The following FGD4 variants were observed in gnomAD, a reference collection of about 807,000 sequenced individuals.
FGD4 encodes the protein FYVE, RhoGEF and PH domain containing 4, also known as FYVE, RhoGEF and PH domain-containing protein 4.
In FGD4, 42 loss-of-function variants were observed where a neutral mutation model predicts 102.0. The observed-to-expected ratio is 0.41, with a 90% CI of 0.32 to 0.53. The LOEUF (loss-of-function observed/expected upper bound fraction) is 0.53, where lower values mean the gene tolerates loss of function less well. FGD4 is among the 20% of genes least tolerant of loss of function. The pLI is 0.21. For missense variants in FGD4, 902 were observed against 1,078.2 expected (o/e 0.84, Z 2.29); for synonymous variants, 380 against 375.7 (o/e 1.01, Z -0.13).
At chr12:32,431,219 T>C (rs1942031753) in intron 1 of FGD4, among the ~76,000 whole-genome samples, 1 of 152,214 alleles carries the variant, frequency 6.6e-6, no homozygotes, top group Non-Finnish European at 1.5e-5. Context: ...TGGCAGCAGA[T>C]GTGTTAGGTG....
At chr12:32,584,458 G>A (rs1011384535) in intron 4 of FGD4, among the ~76,000 whole-genome samples, 8 of 152,108 alleles carry the variant, frequency 5.3e-5, no homozygotes, top group Non-Finnish European at 7.4e-5. Context: ...TTAGAACAAA[G>A]AAATCTCAAT....
chr12:32,423,058 CT>C (rs1248587069), intron 1 of FGD4, among the ~76,000 whole-genome samples: 2 of 152,090 alleles, frequency 1.3e-5, no homozygotes, highest in African/African-American at 2.4e-5. Context: ...TCTTATTGCC[CT>C]TTTTTTAATA....
At chr12:32,420,350 T>G (rs1177281464) in intron 1 of FGD4, among the ~76,000 whole-genome samples, 1 of 152,196 alleles carries the variant, frequency 6.6e-6, no homozygotes, top group Non-Finnish European at 1.5e-5. Context: ...TGCAAGCTCT[T>G]CCGGGCATGT....
intron 1 of FGD4, among the ~76,000 whole-genome samples, chr12:32,486,386 G>C (rs1002966536): frequency 6.6e-6 from 1 of 152,192 alleles, no homozygotes; most frequent in African/African-American, 2.4e-5. Flanking sequence ...ACAATTACTT[G>C]AGGGAATGGC....
chr12:32,428,156 A>G (rs1381829612), intron 1 of FGD4, among the ~76,000 whole-genome samples: 1 of 151,914 alleles, frequency 6.6e-6, no homozygotes, highest in Non-Finnish European at 1.5e-5. Context: ...TCTTCATAGT[A>G]TCAATGGTCT....
At chr12:32,511,989 A>G (rs1228837329) in intron 1 of FGD4, 5 of 152,238 alleles carry the variant, frequency 3.3e-5, no homozygotes, top group African/African-American at 1.2e-4. Context: ...AAAATGGAAT[A>G]GATGTAAAAT....
intron 14 of FGD4, among the ~76,000 whole-genome samples, chr12:32,629,849 T>C (rs1395448471): frequency 6.6e-6 from 1 of 152,268 alleles, no homozygotes; most frequent in Non-Finnish European, 1.5e-5. Context: ...TTGTATCTAA[T>C]AATGTCAGTA....
At chr12:32,403,674 G>A (rs1029754044) in intron 1 of FGD4, among the ~76,000 whole-genome samples, 1 of 149,066 alleles carries the variant, frequency 6.7e-6, no homozygotes, top group African/African-American at 2.5e-5. Context: ...TTGGCTCACT[G>A]CAACCTCCGC....
intron 1 of FGD4, among the ~76,000 whole-genome samples, chr12:32,437,588 A>G (rs74855299): frequency 0.059 from 8,916 of 152,330 alleles, 384 homozygotes; most frequent in South Asian, 0.13. Context: ...AGCAGATTTC[A>G]CATAAGCAGA....
At position 32,412,464 on chromosome 12, in the gene FGD4, C is replaced by A. The variant is rs760656357; in HGVS notation, c.166+12505C>A. The stretch of plus-strand genomic sequence containing the variant: ...TGTTTTGGGGTGGAAATTCCTTGCG[C>A]TCCTTCAATTGGAAGTTATGAAATT... On this transcript the variant is annotated intron_variant, in intron 1 of 16. Transcript: ENST00000534526. Among the ~76,000 whole-genome samples the A allele has an allele frequency of 1.4e-4, 22 of 152,262 alleles. 1 individual carries two copies. Among genetic ancestry groups the A allele is most frequent in the Non-Finnish European group, 2.9e-4 (20 of 68,010 alleles).
chr12:32,561,566 CTT>C (rs909640022), intron 1 of FGD4, among the ~76,000 whole-genome samples: 1 of 152,090 alleles, frequency 6.6e-6, no homozygotes, highest in African/African-American at 2.4e-5. Context: ...AAATGAAACT[CTT>C]TGTTTCTTAA....
rs1248910039 is a variant in FGD4, at chr12:32,633,529, A to C, written c.2173-20A>C. ...TATCCTTTAAATATGATTACTGTTC[A>C]TTTTTCTTTTAAATTTAAGGTGGTT... On this transcript the variant is annotated intron_variant, in intron 14 of 16. Transcript: ENST00000534526. 6.2e-7 allele frequency: 1 copy of C among 1,607,342 alleles called. No homozygotes were observed. Among genetic ancestry groups the C allele is most frequent in the Admixed American group, 1.7e-5 (1 of 59,844 alleles).
intron 1 of FGD4, among the ~76,000 whole-genome samples, chr12:32,555,569 CTTTTTTTTTTT>C (rs776546962): frequency 8.4e-6 from 1 of 118,758 alleles, no homozygotes; most frequent in African/African-American, 3.1e-5. Context: ...GAGACAAGGT[CTTTTTTTTTTT>C]TTTTTTTTCG....
chr12:32,601,569 G>A, intron 6 of FGD4, 146 bp downstream of exon 6: 2 of 994,184 alleles, frequency 2.0e-6, no homozygotes, highest in Non-Finnish European at 2.9e-6. Flanking sequence ...AGAAGTTGTG[G>A]TACAAAGGAC....
At chr12:32,440,502 A>G (rs1942394830) in intron 1 of FGD4, among the ~76,000 whole-genome samples, 1 of 152,134 alleles carries the variant, frequency 6.6e-6, no homozygotes, top group Non-Finnish European at 1.5e-5. Flanking sequence ...TCCCAAACAT[A>G]CAGAGTCCCT....
Position 32,438,144 on chromosome 12 carries a change from G to A in FGD4, c.166+38185G>A, listed in dbSNP as rs562249168. ...TGACTTCAAGTGATCCATCTGCCTG[G>A]GCCTCCCAAAGTGCTGGGATTATAG... On this transcript the variant is annotated intron_variant, in intron 1 of 16. Transcript: ENST00000534526. 1.1e-3 allele frequency among the ~76,000 whole-genome samples: 160 copies of A among 152,328 alleles called. 1 individual carries two copies. Among genetic ancestry groups the A allele is most frequent in the Admixed American group, 2.4e-3 (37 of 15,298 alleles).
rs141310102 is a variant in FGD4 at position 32,599,877 on chromosome 12, TAAAG to T, written c.1101+1294_1101+1297del. On this transcript the variant is annotated intron_variant, in intron 5 of 16. Coordinates refer to ENST00000534526, the MANE Select transcript of FGD4 (RefSeq NM_001370298.3). ...AGGCATCCTAATCCTGTTTCAGCAA[TAAAG>T]AATAGGACAAATGGTAGATTGCCCA... 6.0e-3 allele frequency among the ~76,000 whole-genome samples: 917 copies of T among 152,126 alleles called. 9 individuals carry two copies. Among genetic ancestry groups the T allele is most frequent in the African/African-American group, 0.021 (865 of 41,518 alleles).
intron 3 of FGD4, among the ~76,000 whole-genome samples, chr12:32,578,394 T>C (rs2136394338): frequency 6.6e-6 from 1 of 152,306 alleles, no homozygotes; most frequent in Middle Eastern, 3.4e-3. Context: ...AAGGGTCGTT[T>C]TCATTTTTAA....
Position 32,563,227 on chromosome 12 carries a change from GCTCCTCACTTCT to G in FGD4, c.167-908_167-897del, listed in dbSNP as rs548413484. ...GAGGGGGTGGCTGCCGGGCAGAGGG[GCTCCTCACTTCT>G]CAGACGGGGCGGTTGCCAGGCGGAG... On this transcript the variant is annotated intron_variant, in intron 1 of 16. Coordinates refer to ENST00000534526, the MANE Select transcript of FGD4 (RefSeq NM_001370298.3). Among the ~76,000 whole-genome samples the G allele has an allele frequency of 3.8e-4, 57 of 148,488 alleles. No individual in the cohort carries two copies. The South Asian group carries it at 0.012, about 33-fold the overall frequency.
Sources: allele counts gnomAD v4.1 joint callset (sites outside exome capture counted in the v4.1 genomes callset), GRCh38; gene constraint gnomAD v4.1.1; transcripts MANE v1.5; gene names NCBI Gene and HGNC (gene_info 2026-07-23, HGNC 2026-07-21).